GLIS1: variants seen among roughly 807,000 people sequenced by gnomAD.
GLIS1 encodes the protein GLIS family zinc finger 1, also known as zinc finger protein GLIS1.
GLIS1 carries 24 observed loss-of-function variants against 63.8 expected under a neutral mutation model. The observed-to-expected ratio is 0.38, with a 90% confidence interval of 0.27 to 0.53. GLIS1 has a LOEUF of 0.53. GLIS1 is among the 20% of genes least tolerant of loss of function. The pLI is 0.85. For synonymous variants in GLIS1, 450 were observed against 482.5 expected (o/e 0.93, Z 0.88); for missense variants, 1,036 against 1,074.1 (o/e 0.96, Z 0.50).
Position 53,738,043 on chromosome 1 carries a change from C to G in GLIS1, c.22G>C (p.Ala8Pro). Residue 8 changes from alanine to proline, a missense_variant, in exon 2 of 11, where the codon GCA (alanine) becomes CCA (proline). Ala to Pro is a conservative substitution (Grantham distance 27, BLOSUM62 -1). This residue lies in a region of GLIS1 where 592 missense variants were observed against 593.9 expected (regional missense o/e 1.00). Transcript: ENST00000628545. The part of the protein sequence containing the change: MHCEVAE[A>P]HSDKRPKEAP... ...TCCTTAGGCCTCTTGTCCGAGTGTG[C>G]CTCAGCCACCTCGCAATGCATGGCG... 8.1e-7 allele frequency: 1 copy of G among 1,230,614 alleles called. No homozygotes were observed. The highest frequency in any genetic ancestry group is 1.0e-6 in the Non-Finnish European group (1 of 987,192). The allele number at this position is 1,230,614 out of a possible 1,614,324, so 76.2% of individuals were successfully genotyped here. A position where few individuals can be genotyped will look rare whatever the true frequency, so the allele number is the denominator to read the frequency against.
At chr1:53,587,322 G>A (rs994323223) in intron 4 of GLIS1, among the ~76,000 whole-genome samples, 10 of 152,164 alleles carry the variant, frequency 6.6e-5, no homozygotes, top group African/African-American at 1.9e-4. Flanking sequence ...ATGATCCCAG[G>A]AAGGATCATT....
chr1:53,564,108 A>G (rs1283531438), intron 4 of GLIS1, among the ~76,000 whole-genome samples: 1 of 152,224 alleles, frequency 6.6e-6, no homozygotes, highest in Non-Finnish European at 1.5e-5. Context: ...GTAGAGCTAA[A>G]CGCACACTGT....
Position 53,738,024 on chromosome 1 carries a change from G to C in GLIS1, c.41C>G (p.Pro14Arg). ...EVAEAHSDKRPKEAPGAPGPD... is the reference protein window; with the variant it reads ...EVAEAHSDKRRKEAPGAPGPD... ...GCCGGGCGCACCAGGGGCCTCCTTA[G>C]GCCTCTTGTCCGAGTGTGCCTCAGC... Residue 14 changes from proline (P) to arginine (R), a missense_variant, in exon 2 of 11, where the codon CCT (proline) becomes CGT (arginine). By Grantham distance (103) the Pro-to-Arg change is moderately radical (BLOSUM62 -2). Coordinates refer to ENST00000628545, the MANE Select transcript of GLIS1 (RefSeq NM_001367484.1). 8.1e-7 allele frequency: 1 copy of C among 1,230,802 alleles called. No homozygotes were observed. The highest frequency in any genetic ancestry group is 3.2e-5 in the East Asian group (1 of 31,648). 76.2% of individuals were successfully genotyped at this position (1,230,802 alleles called of 1,614,324 possible).
chr1:53,564,130 G>A (rs1289698239), intron 4 of GLIS1, among the ~76,000 whole-genome samples: 1 of 152,176 alleles, frequency 6.6e-6, no homozygotes, highest in Non-Finnish European at 1.5e-5. Context: ...TTATAAAATG[G>A]TAATGCCCTC....
At chr1:53,692,182 T>C (rs1293244792) in intron 2 of GLIS1, among the ~76,000 whole-genome samples, 1 of 152,204 alleles carries the variant, frequency 6.6e-6, no homozygotes, top group Non-Finnish European at 1.5e-5. Flanking sequence ...TGAAAAGCTA[T>C]TTCTAAAACT....
intron 2 of GLIS1, among the ~76,000 whole-genome samples, chr1:53,640,610 C>T (rs1470665019): frequency 1.3e-5 from 2 of 152,198 alleles, no homozygotes; most frequent in African/African-American, 4.8e-5. Flanking sequence ...GTGCTGGCCC[C>T]TCTCTGAGCA....
chr1:53,630,195 G>A (rs1483018181), intron 2 of GLIS1, among the ~76,000 whole-genome samples: 4 of 152,096 alleles, frequency 2.6e-5, no homozygotes, highest in East Asian at 3.9e-4. Flanking sequence ...TCTTTAGAAC[G>A]GCTGCATAAT....
chr1:53,681,579 T>C (rs1214496212), intron 2 of GLIS1, among the ~76,000 whole-genome samples: 1 of 152,206 alleles, frequency 6.6e-6, no homozygotes, highest in Admixed American at 6.5e-5. Flanking sequence ...ATTCATATTC[T>C]CTCTGCTGAC....
chr1:53,717,300 C>T (rs1433124180), intron 2 of GLIS1, among the ~76,000 whole-genome samples: 1 of 152,168 alleles, frequency 6.6e-6, no homozygotes, highest in Non-Finnish European at 1.5e-5. Flanking sequence ...GAGGACAGTG[C>T]CTGGCACATG....
chr1:53,705,586 C>T (rs1279939667), intron 2 of GLIS1, among the ~76,000 whole-genome samples: 2 of 152,078 alleles, frequency 1.3e-5, no homozygotes, highest in East Asian at 1.9e-4. Flanking sequence ...CAATCTTGCT[C>T]TCATTAGTTC....
chr1:53,656,138 G>A (rs966942730), intron 2 of GLIS1, among the ~76,000 whole-genome samples: 1 of 152,152 alleles, frequency 6.6e-6, no homozygotes, highest in African/African-American at 2.4e-5. Context: ...GAGGAAAAGA[G>A]GAAGCACGGG....
rs564676999 is a variant in GLIS1, at chr1:53,553,858, G to A, written c.1321-23906C>T. Among the ~76,000 whole-genome samples, 3 of 152,302 alleles carry A rather than the reference G, an allele frequency of 2.0e-5. No homozygotes were observed. In the South Asian group the frequency reaches 6.2e-4, roughly 32 times the overall value. On this transcript the variant is annotated intron_variant, in intron 4 of 10. Coordinates refer to ENST00000628545, the MANE Select transcript of GLIS1 (RefSeq NM_001367484.1). ...AGGCCTGTGTGGCTGGAGCAGAACG[G>A]GCAGGTGGAGGATGGCCAGGGGCTC...
At chr1:53,551,013 G>C (rs1644753701) in intron 4 of GLIS1, among the ~76,000 whole-genome samples, 1 of 152,052 alleles carries the variant, frequency 6.6e-6, no homozygotes, top group Non-Finnish European at 1.5e-5. Flanking sequence ...AACACACCTG[G>C]CTAATATTTA....
At chr1:53,665,064 A>G (rs1646076505) in intron 2 of GLIS1, among the ~76,000 whole-genome samples, 1 of 152,100 alleles carries the variant, frequency 6.6e-6, no homozygotes, top group Non-Finnish European at 1.5e-5. Flanking sequence ...CAGCCACTGG[A>G]GGGTTCCGAG....
intron 4 of GLIS1, among the ~76,000 whole-genome samples, chr1:53,576,529 G>T (rs866574891): frequency 6.6e-6 from 1 of 152,008 alleles, no homozygotes; most frequent in South Asian, 2.1e-4. Context: ...CTGACCTCCC[G>T]CCTCCCCATC....
At chr1:53,555,611 C>T (rs1644811452) in intron 4 of GLIS1, among the ~76,000 whole-genome samples, 1 of 152,222 alleles carries the variant, frequency 6.6e-6, no homozygotes, top group Admixed American at 6.5e-5. Context: ...AGGTAATGGA[C>T]ACCCCATTTC....
intron 2 of GLIS1, among the ~76,000 whole-genome samples, chr1:53,602,684 C>A (rs908798457): frequency 1.2e-4 from 19 of 152,286 alleles, no homozygotes; most frequent in Admixed American, 9.8e-4. Context: ...ATGAGAAAGT[C>A]AAGGTTTGGA....
chr1:53,530,992 G>A (rs747833937), intron 4 of GLIS1, among the ~76,000 whole-genome samples: 57 of 152,232 alleles, frequency 3.7e-4, no homozygotes, highest in Non-Finnish European at 6.8e-4. Flanking sequence ...CAGCTGTGAA[G>A]TATACGGCAT....
rs369152934 is a variant in GLIS1 at position 53,554,312 on chromosome 1, G to A, written c.1321-24360C>T. 3.9e-5 allele frequency among the ~76,000 whole-genome samples: 6 copies of A among 152,322 alleles called. No individual in the cohort carries two copies. In the East Asian group the frequency reaches 9.7e-4, roughly 25 times the overall value. On this transcript the variant is annotated intron_variant, in intron 4 of 10. Coordinates refer to ENST00000628545, the MANE Select transcript of GLIS1 (RefSeq NM_001367484.1). ...CATGTGAGGTCACACAATGAGTCAC[G>A]AGTAGAGACAGCCTGAATCCAAGTC...
Sources: allele counts gnomAD v4.1 joint callset (sites outside exome capture counted in the v4.1 genomes callset), GRCh38; gene constraint gnomAD v4.1.1; regional missense constraint gnomAD v4.1.1; transcripts MANE v1.5; gene names NCBI Gene and HGNC (gene_info 2026-07-23, HGNC 2026-07-21).